Variants in SDAD1 observed in about 807,000 individuals in gnomAD.
SDAD1 encodes protein SDA1 homolog.
SDAD1 carries 79 observed loss-of-function variants against 100.3 expected under a neutral mutation model. The ratio of observed to expected loss-of-function variants is 0.79; its 90% CI spans 0.66 to 0.95. The LOEUF is 0.95. SDAD1 is among the 40% of genes least tolerant of loss of function. The probability of loss-of-function intolerance (pLI) is 0.00; values close to 1 mark genes in which losing one functional copy is unlikely to be tolerated. For synonymous variants in SDAD1, 267 were observed against 271.4 expected (o/e 0.98, Z 0.16); for missense variants, 790 against 810.9 (o/e 0.97, Z 0.31).
In SDAD1 at chr4:75,967,261, G is replaced by GC; in HGVS notation, c.1045+15dup. 6.2e-7 allele frequency: 1 copy of GC among 1,612,366 alleles called. No individual in the cohort carries two copies. The highest frequency in any genetic ancestry group is 8.5e-7 in the Non-Finnish European group (1 of 1,178,416). The stretch of plus-strand genomic sequence containing the variant: ...TTACCAAGGCCACCAAAGAAACATG[G>GC]CAAGTGGCAGCTTACCTCTTTGGTG... On this transcript the variant is annotated intron_variant, in intron 12 of 21. Transcript: ENST00000356260.
intron 8 of SDAD1, among the ~76,000 whole-genome samples, chr4:75,973,041 C>G (rs1052630711): frequency 6.6e-6 from 1 of 151,902 alleles, no homozygotes; most frequent in African/African-American, 2.4e-5. Flanking sequence ...ATGTTGGTGA[C>G]AATTTTCATC....
chr4:75,978,982 G>GAAAAAAAAAAAAAAAAAAAAAAAAAAAAA (rs538009004), intron 3 of SDAD1, among the ~76,000 whole-genome samples: 2 of 38,066 alleles, frequency 5.3e-5, no homozygotes, highest in Admixed American at 4.2e-4. Flanking sequence ...CCCTGTCTCA[G>GAAAAAAAAAAAAAAAAAAAAAAAAAAAAA]AAAAAAAAAA....
rs986324711 is a variant in SDAD1, at chr4:75,961,380, C to T, written c.1182-72G>A. 9 of 1,117,690 alleles carry T rather than the reference C, an allele frequency of 8.1e-6. No individual in the cohort carries two copies. The African/African-American group carries it at 9.4e-5, about 12-fold the overall frequency. The allele number at this position is 1,117,690 out of a possible 1,614,324, so 69.2% of individuals were successfully genotyped here. On this transcript the variant is annotated intron_variant, in intron 14 of 21. Coordinates refer to ENST00000356260, the MANE Select transcript of SDAD1 (RefSeq NM_018115.4). ...TTCATGATTCAACACAGGAAGACTT[C>T]CTAAAAAGATTAACTCAAAAGGAAA...
rs769088572 is a variant in SDAD1, at chr4:75,961,094, C to A, written c.1290G>T (p.Met430Ile). Residue 430 changes from methionine to isoleucine, a missense_variant, in exon 16 of 22, where the codon ATG becomes ATT. By Grantham distance (10) the Met-to-Ile change is conservative. Coordinates refer to ENST00000356260, the MANE Select transcript of SDAD1 (RefSeq NM_018115.4). The part of the protein sequence containing the change: ...YKTHKDKNVM[M>I]SARTLIHLFR... ...AGAGGTGAATCAAAGTTCTAGCAGACATCATTACATCTGTAAAATAATACT... is the reference window on the plus strand; with the variant it reads ...AGAGGTGAATCAAAGTTCTAGCAGAAATCATTACATCTGTAAAATAATACT... 3.1e-6 allele frequency: 5 copies of A among 1,613,954 alleles called. No individual in the cohort carries two copies. Among genetic ancestry groups the A allele is most frequent in the Non-Finnish European group, 3.4e-6 (4 of 1,179,834 alleles).
At chr4:75,987,497 A>AT (rs956492566) in intron 1 of SDAD1, among the ~76,000 whole-genome samples, 6 of 151,358 alleles carry the variant, frequency 4.0e-5, no homozygotes, top group East Asian at 3.9e-4. Context: ...CATGTCGCTA[A>AT]TTTTTTTTTG....
rs2149312677 is a variant in SDAD1 at position 75,961,319 on chromosome 4, A to T, written c.1182-11T>A. The T allele has an allele frequency of 6.2e-7, 1 of 1,601,856 alleles. No individual in the cohort carries two copies. Among genetic ancestry groups the T allele is most frequent in the East Asian group, 2.2e-5 (1 of 44,812 alleles). On this transcript the variant is annotated splice_polypyrimidine_tract_variant and intron_variant, in intron 14 of 21. Coordinates refer to ENST00000356260, the MANE Select transcript of SDAD1 (RefSeq NM_018115.4). Reference sequence around the variant, plus strand: ...TTTATAGCATTGATTCTAGAAAAAGAAAAACAAAGTTTAAAAGAGCCCGAA... The same window carrying T: ...TTTATAGCATTGATTCTAGAAAAAGTAAAACAAAGTTTAAAAGAGCCCGAA...
intron 1 of SDAD1, among the ~76,000 whole-genome samples, chr4:75,982,694 T>C (rs995904942): frequency 2.9e-4 from 44 of 152,074 alleles, no homozygotes; most frequent in Non-Finnish European, 4.7e-4. Flanking sequence ...TATCCATGTA[T>C]GCAGAGCACT....
chr4:75,966,376 A>AG (rs1729543916), intron 12 of SDAD1, among the ~76,000 whole-genome samples: 1 of 152,134 alleles, frequency 6.6e-6, no homozygotes, highest in African/African-American at 2.4e-5. Context: ...AAAAGAAGTG[A>AG]GGTGAATCCT....
At chr4:75,980,154 T>C (rs1418916856) in intron 3 of SDAD1, among the ~76,000 whole-genome samples, 1 of 152,170 alleles carries the variant, frequency 6.6e-6, no homozygotes, top group Admixed American at 6.5e-5. Flanking sequence ...TAACATGACA[T>C]AGGTAAAAGC....
intron 21 of SDAD1, among the ~76,000 whole-genome samples, chr4:75,953,239 G>A (rs972573250): frequency 5.3e-5 from 8 of 152,128 alleles, no homozygotes; most frequent in Non-Finnish European, 1.0e-4. Flanking sequence ...TTTATGACTC[G>A]AGGTGCTTGA....
intron 14 of SDAD1, among the ~76,000 whole-genome samples, chr4:75,962,867 C>A (rs1258121646): frequency 6.6e-6 from 1 of 152,114 alleles, no homozygotes; most frequent in Non-Finnish European, 1.5e-5. Context: ...ATGGTAGTTT[C>A]TTTTGCTGTG....
intron 1 of SDAD1, among the ~76,000 whole-genome samples, chr4:75,985,913 G>A (rs991495755): frequency 4.6e-5 from 7 of 151,906 alleles, no homozygotes; most frequent in African/African-American, 7.3e-5. Context: ...TAACCCCCAC[G>A]CCAACTTCCC....
rs1204755967 is a variant in SDAD1 at position 75,968,859 on chromosome 4, G to A, written c.987+437C>T. The stretch of plus-strand genomic sequence containing the variant: ...AGCCTGGCCAATATGGTGAAACCCC[G>A]TCTCTACTAAAAATACAAAAAAACT... On this transcript the variant is annotated intron_variant, in intron 11 of 21. Transcript: ENST00000356260. 3.4e-4 allele frequency among the ~76,000 whole-genome samples: 52 copies of A among 151,608 alleles called. 1 individual carries two copies. Among genetic ancestry groups the A allele is most frequent in the Admixed American group, 3.3e-3 (50 of 15,222 alleles).
At chr4:75,966,182 T>C (rs967534657) in intron 12 of SDAD1, among the ~76,000 whole-genome samples, 1 of 152,088 alleles carries the variant, frequency 6.6e-6, no homozygotes, top group African/African-American at 2.4e-5. Flanking sequence ...AAGGACCTTG[T>C]TTTACGTTTA....
At chr4:75,981,521 T>C in intron 2 of SDAD1, 51 bp from the exon 3 acceptor site, 1 of 1,609,768 alleles carries the variant, frequency 6.2e-7, no homozygotes, top group Non-Finnish European at 8.5e-7. Context: ...TCTCCTATAA[T>C]TCAGATGCAT....
At chr4:75,987,320 G>A (rs963261341) in intron 1 of SDAD1, among the ~76,000 whole-genome samples, 12 of 152,032 alleles carry the variant, frequency 7.9e-5, no homozygotes, top group Admixed American at 2.0e-4. Flanking sequence ...GCAAACACTA[G>A]TCTACTTTCC....
chr4:75,954,740 T>C (rs1423423363), intron 21 of SDAD1, among the ~76,000 whole-genome samples: 1 of 152,166 alleles, frequency 6.6e-6, no homozygotes, highest in Non-Finnish European at 1.5e-5. Context: ...TGCTTCCCCC[T>C]GCAGAGAGCC....
chr4:75,962,246 G>T (rs1235208499), intron 14 of SDAD1, among the ~76,000 whole-genome samples: 1 of 152,184 alleles, frequency 6.6e-6, no homozygotes, highest in Non-Finnish European at 1.5e-5. Context: ...TTTTATGGCT[G>T]CATAGTATTC....
At chr4:75,969,857 C>A (rs1729765296) in intron 10 of SDAD1, among the ~76,000 whole-genome samples, 1 of 152,168 alleles carries the variant, frequency 6.6e-6, no homozygotes, top group Non-Finnish European at 1.5e-5. Flanking sequence ...AAATTAGATT[C>A]TCTGGAGATA....
Sources: allele counts gnomAD v4.1 joint callset (sites outside exome capture counted in the v4.1 genomes callset), GRCh38; gene constraint gnomAD v4.1.1; transcripts MANE v1.5; gene names NCBI Gene and HGNC (gene_info 2026-07-23, HGNC 2026-07-21).